Variants in SNRNP48 observed in about 807,000 individuals in gnomAD.
SNRNP48 encodes small nuclear ribonucleoprotein U11/U12 subunit 48.
Under a neutral mutation model 47.0 loss-of-function variants are expected in SNRNP48, and 43 were observed. That is an observed-to-expected ratio of 0.92 (90% CI 0.72 to 1.18). The LOEUF is 1.18. SNRNP48 is among the 50% of genes most tolerant of loss of function. The pLI, the probability that SNRNP48 is intolerant of heterozygous loss-of-function variation, is 0.00. For synonymous variants in SNRNP48, 138 were observed against 144.0 expected (o/e 0.96, Z 0.30); for missense variants, 396 against 422.2 (o/e 0.94, Z 0.54).
intron 8 of SNRNP48, among the ~76,000 whole-genome samples, chr6:7,607,279 C>G (rs1050058917): frequency 6.6e-6 from 1 of 152,220 alleles, no homozygotes; most frequent in East Asian, 1.9e-4. Flanking sequence ...GTTCTCACCC[C>G]TGCACTCCAG....
At chr6:7,604,498 G>C (rs540516685) in intron 6 of SNRNP48, among the ~76,000 whole-genome samples, 1 of 152,360 alleles carries the variant, frequency 6.6e-6, no homozygotes, top group African/African-American at 2.4e-5. Context: ...GCTTCATTAA[G>C]GAGTTTGGAT....
At chr6:7,604,458 T>C (rs1581839376) in intron 6 of SNRNP48, among the ~76,000 whole-genome samples, 1 of 152,302 alleles carries the variant, frequency 6.6e-6, no homozygotes, top group East Asian at 1.9e-4. Context: ...AGTTCTATCT[T>C]ATGTAGGAAA....
intron 1 of SNRNP48, among the ~76,000 whole-genome samples, chr6:7,592,956 C>A (rs1561710504): frequency 6.6e-6 from 1 of 152,002 alleles, no homozygotes; most frequent in Non-Finnish European, 1.5e-5. Flanking sequence ...GGGGACCTTT[C>A]ACTGAAATAG....
intron 4 of SNRNP48, chr6:7,599,938 T>G: frequency 8.9e-6 from 9 of 1,005,872 alleles, no homozygotes; most frequent in Non-Finnish European, 1.1e-5. Context: ...ATTTCTTTGT[T>G]TAAAAATAAC....
intron 4 of SNRNP48, chr6:7,600,198 T>G: frequency 1.0e-6 from 1 of 987,004 alleles, no homozygotes; most frequent in Non-Finnish European, 1.2e-6. Context: ...ATAGCCGTGT[T>G]AAACCATGGC....
At chr6:7,597,590 A>G (rs1484547561) in intron 4 of SNRNP48, among the ~76,000 whole-genome samples, 1 of 152,214 alleles carries the variant, frequency 6.6e-6, no homozygotes, top group Non-Finnish European at 1.5e-5. Flanking sequence ...GGTAGCTTCT[A>G]TGGTCTAAGT....
intron 5 of SNRNP48, among the ~76,000 whole-genome samples, chr6:7,601,943 TC>T (rs1440821897): frequency 1.3e-5 from 2 of 152,126 alleles, no homozygotes; most frequent in Non-Finnish European, 2.9e-5. Flanking sequence ...AATCTCTGCC[TC>T]CCAAGCTGAA....
intron 1 of SNRNP48, among the ~76,000 whole-genome samples, chr6:7,591,667 T>C (rs1759821687): frequency 6.6e-6 from 1 of 152,232 alleles, no homozygotes; most frequent in Non-Finnish European, 1.5e-5. Context: ...TTGGATTCCT[T>C]GTATTAACGT....
At position 7,610,271 on chromosome 6, in the gene SNRNP48, T is replaced by G. The variant is rs1393294443; in HGVS notation, c.*1398T>G. ...GCTGACAGTGACAGAAAGATTGGATTTGGATCAGATTGGCTGTTAGGCTTC... is the reference window on the plus strand; with the variant it reads ...GCTGACAGTGACAGAAAGATTGGATGTGGATCAGATTGGCTGTTAGGCTTC... On this transcript the variant is annotated 3_prime_UTR_variant, in exon 9 of 9. Coordinates refer to ENST00000342415, the MANE Select transcript of SNRNP48 (RefSeq NM_152551.4). 1.3e-5 allele frequency: 2 copies of G among 152,232 alleles called. No individual in the cohort carries two copies. The highest frequency in any genetic ancestry group is 6.5e-5 in the Admixed American group (1 of 15,292). The allele number at this position is 152,232 out of a possible 1,614,324, so 9.4% of individuals were successfully genotyped here. A position where few individuals can be genotyped will look rare whatever the true frequency, so the allele number is the denominator to read the frequency against.
At chr6:7,602,108 C>T (rs1760035286) in intron 5 of SNRNP48, among the ~76,000 whole-genome samples, 1 of 152,142 alleles carries the variant, frequency 6.6e-6, no homozygotes. Context: ...CCTGTCTTGG[C>T]CTCCCAAAGT....
chr6:7,603,797 A>C (rs929566264), intron 6 of SNRNP48, among the ~76,000 whole-genome samples: 1 of 152,216 alleles, frequency 6.6e-6, no homozygotes, highest in African/African-American at 2.4e-5. Flanking sequence ...GGTCCCTGTC[A>C]TACTACCTTG....
intron 4 of SNRNP48, chr6:7,600,626 C>G (rs1044520561): frequency 2.0e-5 from 3 of 152,008 alleles, no homozygotes; most frequent in African/African-American, 7.3e-5. Flanking sequence ...CACTAATGAG[C>G]AGATTTTAGA....
intron 6 of SNRNP48, among the ~76,000 whole-genome samples, chr6:7,605,008 ACTCTCTCT>A (rs35999016): frequency 2.4e-3 from 359 of 148,254 alleles, no homozygotes; most frequent in Non-Finnish European, 4.3e-3. Context: ...TCTCATTGGC[ACTCTCTCT>A]CTCTCTCTCT....
At position 7,593,835 on chromosome 6, in the gene SNRNP48, C is replaced by A; in HGVS notation, c.258C>A (p.Thr86=). ...ASCRLRKMGY[T]KEEEDEMYNP... ...GTAGATTGAGGAAAATGGGCTATAC[C>A]AAAGAAGAAGAGGTACCATATATTT... Residue 86 remains threonine (T), a synonymous_variant, in exon 2 of 9, where the codon ACC becomes ACA. Transcript: ENST00000342415. 1 of 1,580,428 alleles carries A rather than the reference C, an allele frequency of 6.3e-7. No individual in the cohort carries two copies. The highest frequency in any genetic ancestry group is 8.6e-7 in the Non-Finnish European group (1 of 1,164,308).
Position 7,611,630 on chromosome 6 carries a change from C to T in SNRNP48, c.*2757C>T, listed in dbSNP as rs1470290028. 1 of 152,074 alleles carries T rather than the reference C, an allele frequency of 6.6e-6. No individual in the cohort carries two copies. Among genetic ancestry groups the T allele is most frequent in the African/African-American group, 2.4e-5 (1 of 41,392 alleles). 9.4% of individuals were successfully genotyped at this position (152,074 alleles called of 1,614,324 possible). ...TACAGCTAATTGGATAATCTCAAAC[C>T]CTTTAGTGAAAATATCTTAAATGCA... On this transcript the variant is annotated 3_prime_UTR_variant, in exon 9 of 9. Transcript: ENST00000342415.
chr6:7,590,585 C>A (rs1048033137), intron 1 of SNRNP48, among the ~76,000 whole-genome samples, 172 bp downstream of exon 1: 1 of 152,178 alleles, frequency 6.6e-6, no homozygotes, highest in African/African-American at 2.4e-5. Flanking sequence ...CTGGAGCAAC[C>A]CTGACGTCCC....
chr6:7,606,081 G>C lies in SNRNP48; in HGVS notation c.857G>C (p.Ser286Thr), dbSNP rs151210025. The C allele has an allele frequency of 1.4e-4, 227 of 1,612,554 alleles. No individual in the cohort carries two copies. In the African/African-American group the frequency reaches 2.8e-3, roughly 20 times the overall value. ...ASVDSRQSGG[S>T]YLDAECSRHR... ...GTAGATTCACGGCAGTCTGGTGGAA[G>C]CTATTTGGATGCTGAGTGTTCACGA... The change falls in exon 8 of 9, where the codon AGC becomes ACC. Residue 286 changes from serine to threonine, a missense_variant. Coordinates refer to ENST00000342415, the MANE Select transcript of SNRNP48 (RefSeq NM_152551.4).
rs1436801987 is a variant in SNRNP48 at position 7,605,441 on chromosome 6, A to G, written c.761A>G (p.Asn254Ser). Residue 254 changes from asparagine to serine, a missense_variant, in exon 7 of 9, where the codon AAT becomes AGT. Physicochemically the swap from Asn to Ser is conservative, Grantham distance 46 (BLOSUM62 1). Transcript: ENST00000342415. ...VINVHMEELS[N>S]HWQEEQEKAE... is the part of the protein sequence containing the mutation. Reference sequence around the variant, plus strand: ...AATGTGCACATGGAAGAACTCAGCAATCATTGGCAAGAAGAGCAAGAGAAG... The same window carrying G: ...AATGTGCACATGGAAGAACTCAGCAGTCATTGGCAAGAAGAGCAAGAGAAG... 11 of 1,614,032 alleles carry G rather than the reference A, an allele frequency of 6.8e-6. No individual in the cohort carries two copies. Among genetic ancestry groups the G allele is most frequent in the Non-Finnish European group, 9.3e-6 (11 of 1,180,006 alleles).
At chr6:7,594,266 C>A (rs866320805) in intron 3 of SNRNP48, 107 bp downstream of exon 3, 17 of 505,676 alleles carry the variant, frequency 3.4e-5, no homozygotes, top group Middle Eastern at 5.4e-4. Context: ...ATGACAAGGA[C>A]ATTTAGTACC....
Sources: allele counts gnomAD v4.1 joint callset (sites outside exome capture counted in the v4.1 genomes callset), GRCh38; gene constraint gnomAD v4.1.1; transcripts MANE v1.5; gene names NCBI Gene and HGNC (gene_info 2026-07-23, HGNC 2026-07-21).